SNX14: variants seen among roughly 807,000 people sequenced by gnomAD.
SNX14 encodes sorting nexin 14.
Under a neutral mutation model 133.8 loss-of-function variants are expected in SNX14, and 93 were observed. The observed-to-expected ratio is 0.70, with a 90% CI of 0.59 to 0.83. The LOEUF (loss-of-function observed/expected upper bound fraction) is 0.83, where lower values mean the gene tolerates loss of function less well. SNX14 is among the 40% of genes least tolerant of loss of function. SNX14 has a pLI of 0.00. For synonymous variants in SNX14, 368 were observed against 365.6 expected (o/e 1.01, Z -0.07); for missense variants, 945 against 1,094.9 (o/e 0.86, Z 1.93).
rs544210956 is a variant in SNX14, at chr6:85,589,206, A to G, written c.140+4373T>C. ...ACCTTCTGCCATATTGTCTACTGTC[A>G]ATTTGTGTTCTGGCACCACTTTTTT... is the stretch of plus-strand genomic sequence containing the variant. On this transcript the variant is annotated intron_variant, in intron 1 of 28. Transcript: ENST00000314673. 14 of 174,528 alleles carry G rather than the reference A, an allele frequency of 8.0e-5. No homozygotes were observed. The East Asian group carries it at 2.0e-3, about 25-fold the overall frequency. 10.8% of individuals were successfully genotyped at this position (174,528 alleles called of 1,614,324 possible).
At chr6:85,590,200 T>C (rs868526656) in intron 1 of SNX14, among the ~76,000 whole-genome samples, 2 of 152,206 alleles carry the variant, frequency 1.3e-5, no homozygotes, top group Non-Finnish European at 2.9e-5. Context: ...CTGGTACTTA[T>C]CTTTTTCCTT....
chr6:85,545,547 G>A (rs1271849010), intron 12 of SNX14, among the ~76,000 whole-genome samples: 2 of 151,956 alleles, frequency 1.3e-5, no homozygotes, highest in Non-Finnish European at 1.5e-5. Flanking sequence ...GATAAAAGAG[G>A]AGCATTTTAT....
intron 1 of SNX14, among the ~76,000 whole-genome samples, chr6:85,590,253 T>A (rs772931783): frequency 6.6e-6 from 1 of 152,186 alleles, no homozygotes; most frequent in Non-Finnish European, 1.5e-5. Flanking sequence ...GGAACCCAAC[T>A]GCATATCCAT....
intron 17 of SNX14, among the ~76,000 whole-genome samples, chr6:85,535,479 G>A (rs1476701309): frequency 6.6e-6 from 1 of 151,930 alleles, no homozygotes; most frequent in African/African-American, 2.4e-5. Flanking sequence ...AGCTGGGCAT[G>A]GTGGCGGGCG....
intron 17 of SNX14, among the ~76,000 whole-genome samples, chr6:85,535,366 A>G (rs1344158566): frequency 6.6e-6 from 1 of 151,810 alleles, no homozygotes; most frequent in African/African-American, 2.4e-5. Flanking sequence ...TGTAGTCTCA[A>G]CACTTTGGGA....
intron 21 of SNX14, among the ~76,000 whole-genome samples, chr6:85,524,765 C>T (rs1778037601): frequency 7.1e-6 from 1 of 140,348 alleles, no homozygotes; most frequent in Non-Finnish European, 1.5e-5. Context: ...GCCTGGGTGA[C>T]AGAGCAAGAT....
At chr6:85,586,956 G>A (rs1307986325) in intron 1 of SNX14, among the ~76,000 whole-genome samples, 1 of 152,126 alleles carries the variant, frequency 6.6e-6, no homozygotes, top group East Asian at 1.9e-4. Context: ...TGAGGCACAA[G>A]AATTCCTTGA....
At chr6:85,568,485 T>C (rs1388134127) in intron 4 of SNX14, 1 of 152,226 alleles carries the variant, frequency 6.6e-6, no homozygotes, top group Admixed American at 6.5e-5. Context: ...ATTTTACCTG[T>C]ACACTCAAAT....
intron 4 of SNX14, among the ~76,000 whole-genome samples, chr6:85,571,675 GACTATA>G (rs1771566299): frequency 6.6e-6 from 1 of 152,174 alleles, no homozygotes; most frequent in Admixed American, 6.5e-5. Flanking sequence ...CATGAAATCT[GACTATA>G]ACAAAGATAA....
chr6:85,553,283 T>C (rs1788443484), intron 7 of SNX14, among the ~76,000 whole-genome samples: 2 of 152,166 alleles, frequency 1.3e-5, no homozygotes, highest in South Asian at 4.1e-4. Context: ...GCAAAGAACA[T>C]AGTTTTTATA....
Position 85,557,986 on chromosome 6 carries a change from G to T in SNX14, c.624C>A (p.Ala208=). ...AMKHIEVIVK[A]RQKVKNTEFL... ...AGAAAACTGTATTACCTTTCTGTCT[G>T]GCTTTAACTATCACTTCTATATGCT... Residue 208 remains alanine (A), a synonymous_variant, in exon 7 of 29, where the codon GCC becomes GCA. Transcript: ENST00000314673. 1 of 1,588,850 alleles carries T rather than the reference G, an allele frequency of 6.3e-7. No homozygotes were observed. Among genetic ancestry groups the T allele is most frequent in the South Asian group, 1.1e-5 (1 of 88,878 alleles).
At chr6:85,542,497 C>T (rs1364687352) in intron 14 of SNX14, among the ~76,000 whole-genome samples, 1 of 152,124 alleles carries the variant, frequency 6.6e-6, no homozygotes, top group East Asian at 1.9e-4. Context: ...CGGGTTGATG[C>T]CATTCTCCTG....
At chr6:85,536,567 T>A (rs1782014685) in intron 17 of SNX14, among the ~76,000 whole-genome samples, 1 of 152,164 alleles carries the variant, frequency 6.6e-6, no homozygotes, top group Non-Finnish European at 1.5e-5. Context: ...TAATAAGCAA[T>A]AACACAGTTC....
chr6:85,562,879 T>G (rs895414141), intron 6 of SNX14, among the ~76,000 whole-genome samples: 1 of 152,182 alleles, frequency 6.6e-6, no homozygotes, highest in South Asian at 2.1e-4. Flanking sequence ...CCACGGTGCA[T>G]GGCCTGGAGT....
rs114688780 is a variant in SNX14 at position 85,538,459 on chromosome 6, G to A, written c.1475+379C>T. ...AAAAACTCTCACTTATGATTATTAT[G>A]CCCAGAAATACAGAAACATCATACT... On this transcript the variant is annotated intron_variant, in intron 16 of 28. Coordinates refer to ENST00000314673, the MANE Select transcript of SNX14 (RefSeq NM_153816.6). Among the ~76,000 whole-genome samples the A allele has an allele frequency of 9.6e-3, 1,459 of 152,090 alleles. 26 individuals carry two copies. The highest frequency in any genetic ancestry group is 0.033 in the African/African-American group (1,385 of 41,508).
intron 23 of SNX14, 36 bp from the exon 24 acceptor site, chr6:85,514,665 G>C: frequency 6.4e-7 from 1 of 1,574,524 alleles, no homozygotes; most frequent in South Asian, 1.1e-5. Context: ...GAGATATATA[G>C]TTTATTACAT....
At chr6:85,516,266 A>G (rs1241417813) in intron 23 of SNX14, among the ~76,000 whole-genome samples, 2 of 151,376 alleles carry the variant, frequency 1.3e-5, no homozygotes, top group African/African-American at 2.4e-5. Flanking sequence ...TCACTTATGT[A>G]AACAATATTT....
chr6:85,533,646 C>A lies in SNX14; in HGVS notation c.1763G>T (p.Arg588Ile), dbSNP rs1780953998. 6.2e-7 allele frequency: 1 copy of A among 1,613,642 alleles called. No individual in the cohort carries two copies. The highest frequency in any genetic ancestry group is 1.3e-5 in the African/African-American group (1 of 74,916). ...AACATCAATACAAAACACAGGAATT[C>A]TTTCTTTTTTCTCCTTCCTTTCAGA... ...PSSERKEKKERIPVFCIDVER... is the reference protein window; with the variant it reads ...PSSERKEKKEIIPVFCIDVER... Residue 588 changes from arginine to isoleucine, a missense_variant, in exon 18 of 29, where the codon AGA becomes ATA. Around this residue, in one of 3 missense-constraint regions of SNX14, gnomAD observed 412 missense variants for 516.6 expected, o/e 0.80. Coordinates refer to ENST00000314673, the MANE Select transcript of SNX14 (RefSeq NM_153816.6).
At chr6:85,547,045 T>G in intron 12 of SNX14, 67 bp downstream of exon 12, 1 of 1,138,142 alleles carries the variant, frequency 8.8e-7, no homozygotes, top group South Asian at 1.5e-5. Context: ...TCAGATCTGA[T>G]TTAAAATATT....
Sources: gnomAD v4.1 joint callset for allele counts (sites outside exome capture counted in the v4.1 genomes callset) on GRCh38, gnomAD v4.1.1 for gene constraint, gnomAD v4.1.1 regional missense constraint, MANE v1.5 for transcripts, NCBI Gene and HGNC (gene_info 2026-07-23, HGNC 2026-07-21) for gene names.